CCSER1: variants seen among roughly 807,000 people sequenced by gnomAD.
CCSER1 encodes the protein serine-rich coiled-coil domain-containing protein 1.
A neutral mutation model predicts 82.0 loss-of-function variants in CCSER1; 41 were observed. The ratio of observed to expected loss-of-function variants is 0.50; its 90% CI spans 0.39 to 0.65. The LOEUF is 0.65. CCSER1 is among the 30% of genes least tolerant of loss of function. The pLI, the probability that CCSER1 is intolerant of heterozygous loss-of-function variation, is 0.00. For missense variants in CCSER1, 1,119 were observed against 1,064.2 expected (o/e 1.05, Z -0.72); for synonymous variants, 414 against 383.9 (o/e 1.08, Z -0.92).
intron 1 of CCSER1, among the ~76,000 whole-genome samples, chr4:90,264,534 T>A (rs1248769231): frequency 6.6e-6 from 1 of 152,184 alleles, no homozygotes; most frequent in Admixed American, 6.6e-5. Flanking sequence ...AGAGAAGAAC[T>A]GACAAGAACA....
intron 10 of CCSER1, among the ~76,000 whole-genome samples, chr4:91,097,127 C>A (rs1342398150): frequency 2.0e-5 from 3 of 152,130 alleles, no homozygotes; most frequent in Non-Finnish European, 2.9e-5. Flanking sequence ...TTTTACCCTA[C>A]CTCAAAAATG....
intron 5 of CCSER1, among the ~76,000 whole-genome samples, chr4:90,522,000 C>T (rs909080742): frequency 6.6e-6 from 1 of 152,074 alleles, no homozygotes; most frequent in Admixed American, 6.6e-5. Flanking sequence ...TTGTAACAGA[C>T]GTCACATTTG....
intron 10 of CCSER1, among the ~76,000 whole-genome samples, chr4:91,558,293 A>C (rs1762495754): frequency 6.6e-6 from 1 of 151,648 alleles, no homozygotes; most frequent in Non-Finnish European, 1.5e-5. Flanking sequence ...CAGCCATTTT[A>C]AAAAGCAGAT....
intron 10 of CCSER1, among the ~76,000 whole-genome samples, chr4:91,523,346 G>T (rs1760596775): frequency 6.6e-6 from 1 of 152,244 alleles, no homozygotes; most frequent in South Asian, 2.1e-4. Context: ...TTTTATTGTT[G>T]TGTCTCTGCC....
At chr4:91,373,704 A>C (rs925121808) in intron 10 of CCSER1, among the ~76,000 whole-genome samples, 3 of 152,190 alleles carry the variant, frequency 2.0e-5, no homozygotes, top group African/African-American at 7.2e-5. Flanking sequence ...AAACAGTCAC[A>C]GGTCTCTCAC....
At chr4:90,343,477 T>C (rs1741786616) in intron 3 of CCSER1, among the ~76,000 whole-genome samples, 1 of 151,900 alleles carries the variant, frequency 6.6e-6, no homozygotes. Flanking sequence ...ATTAGCTGGG[T>C]GGTAGTGGAG....
intron 9 of CCSER1, among the ~76,000 whole-genome samples, chr4:90,996,244 A>G (rs1393550418): frequency 1.3e-5 from 2 of 152,106 alleles, no homozygotes; most frequent in African/African-American, 2.4e-5. Context: ...ATAAATCTCT[A>G]TAATGAATGG....
chr4:91,504,954 A>G (rs1049310261), intron 10 of CCSER1, among the ~76,000 whole-genome samples: 1 of 152,160 alleles, frequency 6.6e-6, no homozygotes, highest in African/African-American at 2.4e-5. Context: ...AATTATTTTA[A>G]GTTCCTGGGT....
At chr4:90,637,794 T>C (rs999022718) in intron 6 of CCSER1, among the ~76,000 whole-genome samples, 9 of 152,288 alleles carry the variant, frequency 5.9e-5, no homozygotes, top group African/African-American at 2.2e-4. Flanking sequence ...TTCTAACCTC[T>C]GGGCAATTCT....
chr4:90,247,472 GTGAC>G (rs1721646767), intron 1 of CCSER1, among the ~76,000 whole-genome samples: 1 of 152,104 alleles, frequency 6.6e-6, no homozygotes, highest in Non-Finnish European at 1.5e-5. Context: ...GAATATTAAA[GTGAC>G]TGACTTTTCA....
At chr4:91,424,176 C>G (rs1206792956) in intron 10 of CCSER1, among the ~76,000 whole-genome samples, 1 of 150,920 alleles carries the variant, frequency 6.6e-6, no homozygotes, top group Non-Finnish European at 1.5e-5. Context: ...GCCACCGCGC[C>G]CGGCTAATTT....
At chr4:91,420,985 C>T (rs1023622871) in intron 10 of CCSER1, among the ~76,000 whole-genome samples, 2 of 152,222 alleles carry the variant, frequency 1.3e-5, no homozygotes, top group Non-Finnish European at 1.5e-5. Flanking sequence ...ATCTCACTTA[C>T]GTGTAGAATC....
chr4:90,767,392 G>A (rs981215017), intron 7 of CCSER1, among the ~76,000 whole-genome samples: 1 of 151,846 alleles, frequency 6.6e-6, no homozygotes. Context: ...TAATGCCATT[G>A]GTTTAAACAG....
chr4:90,556,998 A>G lies in CCSER1; in HGVS notation c.1725-71027A>G, dbSNP rs542385275. Among the ~76,000 whole-genome samples, 3 of 151,994 alleles carry G rather than the reference A, an allele frequency of 2.0e-5. No individual in the cohort carries two copies. The East Asian group carries it at 5.8e-4, about 29-fold the overall frequency. ...CATTCAATAACAACTTGTTTTTTTG[A>G]TATATAATTTATTTATATCTACTTA... On this transcript the variant is annotated intron_variant, in intron 5 of 10. Transcript: ENST00000509176.
chr4:90,894,730 T>C lies in CCSER1; in HGVS notation c.2095-28640T>C, dbSNP rs1347166264. On this transcript the variant is annotated intron_variant, in intron 8 of 10. Coordinates refer to ENST00000509176, the MANE Select transcript of CCSER1 (RefSeq NM_001145065.2). Reference sequence around the variant, plus strand: ...CCATTATCAAGTAGTAATGGTACCATTTCTCATACTTACAAGTGCCAATGA... The same window carrying C: ...CCATTATCAAGTAGTAATGGTACCACTTCTCATACTTACAAGTGCCAATGA... 2.0e-5 allele frequency among the ~76,000 whole-genome samples: 3 copies of C among 151,918 alleles called. 1 individual carries two copies. Among genetic ancestry groups the C allele is most frequent in the South Asian group, 4.1e-4 (2 of 4,826 alleles).
chr4:90,995,123 C>T (rs954890710), intron 9 of CCSER1, among the ~76,000 whole-genome samples: 1 of 152,028 alleles, frequency 6.6e-6, no homozygotes, highest in African/African-American at 2.4e-5. Flanking sequence ...TTTATTATAT[C>T]CACTTTACAG....
At chr4:91,444,233 A>G (rs1001180076) in intron 10 of CCSER1, among the ~76,000 whole-genome samples, 2 of 152,180 alleles carry the variant, frequency 1.3e-5, no homozygotes, top group African/African-American at 4.8e-5. Flanking sequence ...GTATTCAACA[A>G]TGTGAAAAGC....
intron 6 of CCSER1, among the ~76,000 whole-genome samples, chr4:90,688,994 A>C (rs1401826198): frequency 1.3e-5 from 2 of 152,174 alleles, no homozygotes; most frequent in East Asian, 3.9e-4. Context: ...CTTGAGTACA[A>C]GTGTTTGAGT....
intron 1 of CCSER1, among the ~76,000 whole-genome samples, chr4:90,307,534 G>T (rs1734525787): frequency 6.6e-6 from 1 of 150,636 alleles, no homozygotes; most frequent in Non-Finnish European, 1.5e-5. Context: ...TGGCATAAGA[G>T]AATTACCTAT....
Sources: gnomAD v4.1 joint callset for allele counts (sites outside exome capture counted in the v4.1 genomes callset) on GRCh38, gnomAD v4.1.1 for gene constraint, MANE v1.5 for transcripts, NCBI Gene and HGNC (gene_info 2026-07-23, HGNC 2026-07-21) for gene names.